The following KIRREL3 variants were observed in gnomAD, a reference collection of about 807,000 sequenced individuals.
KIRREL3 encodes the protein kin of IRRE-like protein 3.
Under a neutral mutation model 89.7 loss-of-function variants are expected in KIRREL3, and 36 were observed. The observed-to-expected ratio is 0.40, with a 90% CI of 0.31 to 0.53. The LOEUF (loss-of-function observed/expected upper bound fraction) is 0.53. Ranked by LOEUF, KIRREL3 falls within the 20% of genes least tolerant of loss-of-function variation. KIRREL3 has a pLI of 0.49. For missense variants in KIRREL3, 864 were observed against 1,056.6 expected (o/e 0.82, Z 2.53); for synonymous variants, 445 against 441.4 (o/e 1.01, Z -0.10).
chr11:126,440,040 C>G (rs1175532187), intron 11 of KIRREL3: 1 of 379,650 alleles, frequency 2.6e-6, no homozygotes, highest in African/African-American at 2.1e-5. Context: ...AGAGACCTGG[C>G]AAGGAGGGCT....
chr11:126,584,112 C>A (rs554073149), intron 1 of KIRREL3, among the ~76,000 whole-genome samples: 1 of 152,154 alleles, frequency 6.6e-6, no homozygotes, highest in African/African-American at 2.4e-5. Flanking sequence ...GTATCCGTCA[C>A]AAAGCCATCC....
At chr11:126,901,773 A>G (rs947163496) in intron 1 of KIRREL3, among the ~76,000 whole-genome samples, 1 of 152,220 alleles carries the variant, frequency 6.6e-6, no homozygotes, top group Admixed American at 6.5e-5. Flanking sequence ...TTTGAAAATC[A>G]TCCCTTCCTC....
Position 126,791,461 on chromosome 11 carries a change from G to A in KIRREL3, c.55+208994C>T, listed in dbSNP as rs959549079. Among the ~76,000 whole-genome samples, 16 of 152,178 alleles carry A rather than the reference G, an allele frequency of 1.1e-4. No homozygotes were observed. Among genetic ancestry groups the A allele is most frequent in the African/African-American group, 2.2e-4 (9 of 41,450 alleles). ...AAGCCCAGCCACTCCTGATGGTGAC[G>A]GCATTTGCAGAAAATTGTACATATT... On this transcript the variant is annotated intron_variant, in intron 1 of 16. Transcript: ENST00000525144. The surrounding 1 kb of genome is among the most constrained non-coding windows in gnomAD (Gnocchi z 4.8).
At chr11:126,646,635 C>G (rs1248892974) in intron 1 of KIRREL3, among the ~76,000 whole-genome samples, 2 of 151,998 alleles carry the variant, frequency 1.3e-5, no homozygotes, top group Non-Finnish European at 2.9e-5. Context: ...CCACCACACC[C>G]AGCTAACTTT....
In KIRREL3 at chr11:126,896,417, C is replaced by T. The variant is rs1382406925; in HGVS notation, c.55+104038G>A. ...TCTCTGAGATGCTCTTTGTGGCTCT[C>T]CTGTATGCCTGTTGAGATGCCCATG... On this transcript the variant is annotated intron_variant, in intron 1 of 16. Transcript: ENST00000525144. This position sits in a 1 kb window ranked among gnomAD's most constrained non-coding sequence, Gnocchi z 4.1. 6.6e-6 allele frequency among the ~76,000 whole-genome samples: 1 copy of T among 152,206 alleles called. No homozygotes were observed. Among genetic ancestry groups the T allele is most frequent in the Non-Finnish European group, 1.5e-5 (1 of 68,042 alleles).
At chr11:126,951,430 A>C (rs1438328390) in intron 1 of KIRREL3, among the ~76,000 whole-genome samples, 3 of 152,192 alleles carry the variant, frequency 2.0e-5, no homozygotes, top group Non-Finnish European at 4.4e-5. Context: ...GGCTCACTGA[A>C]GGACACACCG....
intron 4 of KIRREL3, among the ~76,000 whole-genome samples, chr11:126,478,636 T>C (rs901262360): frequency 4.1e-5 from 6 of 147,616 alleles, no homozygotes; most frequent in Non-Finnish European, 8.8e-5. Flanking sequence ...TGTATGCGTG[T>C]GTATGTGTGT....
intron 1 of KIRREL3, among the ~76,000 whole-genome samples, chr11:126,901,168 C>T (rs931270282): frequency 4.8e-5 from 7 of 146,240 alleles, no homozygotes; most frequent in South Asian, 4.4e-4. Context: ...GAGCTGAGAT[C>T]GCACCATTGC....
chr11:126,801,253 T>C lies in KIRREL3; in HGVS notation c.55+199202A>G, dbSNP rs138402358. Among the ~76,000 whole-genome samples, 705 of 152,318 alleles carry C rather than the reference T, an allele frequency of 4.6e-3. 3 individuals are homozygous for C. Among genetic ancestry groups the C allele is most frequent in the African/African-American group, 0.016 (666 of 41,574 alleles). ...TTTCTATCCTAAGGATTACAGTTAA[T>C]TGACAATTTTTGGGTCTTTGGGGAC... On this transcript the variant is annotated intron_variant, in intron 1 of 16. Transcript: ENST00000525144.
rs1263568431 is a variant in KIRREL3, at chr11:126,623,657, T to C, written c.56-60745A>G. On this transcript the variant is annotated intron_variant, in intron 1 of 16. Transcript: ENST00000525144. The surrounding 1 kb of genome is among the most constrained non-coding windows in gnomAD (Gnocchi z 4.1). ...AGGATACCTGTGGTCAGGACCAGGTTGTGTGCAGGGCAGCTCTGATTGCTT... is the reference window on the plus strand; with the variant it reads ...AGGATACCTGTGGTCAGGACCAGGTCGTGTGCAGGGCAGCTCTGATTGCTT... 2.6e-5 allele frequency among the ~76,000 whole-genome samples: 4 copies of C among 152,012 alleles called. No individual in the cohort carries two copies. Among genetic ancestry groups the C allele is most frequent in the Non-Finnish European group, 5.9e-5 (4 of 67,984 alleles).
intron 1 of KIRREL3, among the ~76,000 whole-genome samples, chr11:126,941,766 C>A (rs1359722264): frequency 6.6e-6 from 1 of 152,166 alleles, no homozygotes; most frequent in Non-Finnish European, 1.5e-5. Context: ...GGGGCCGTGC[C>A]CTGGGAAGGA....
rs368037457 is a variant in KIRREL3, at chr11:126,931,254, G to C, written c.55+69201C>G. On this transcript the variant is annotated intron_variant, in intron 1 of 16. Coordinates refer to ENST00000525144, the MANE Select transcript of KIRREL3 (RefSeq NM_032531.4). This position sits in a 1 kb window ranked among gnomAD's most constrained non-coding sequence, Gnocchi z 5.1. ...ACTGTTGTTATCTCCAGAACCTATCGCAGTGTCTGGCACATAGGATGTACT... is the reference window on the plus strand; with the variant it reads ...ACTGTTGTTATCTCCAGAACCTATCCCAGTGTCTGGCACATAGGATGTACT... Among the ~76,000 whole-genome samples the C allele has an allele frequency of 2.0e-5, 3 of 152,122 alleles. No individual in the cohort carries two copies. Among genetic ancestry groups the C allele is most frequent in the Admixed American group, 2.0e-4 (3 of 15,280 alleles).
At chr11:126,461,974 G>C (rs981293375) in intron 6 of KIRREL3, among the ~76,000 whole-genome samples, 2 of 152,184 alleles carry the variant, frequency 1.3e-5, no homozygotes, top group African/African-American at 4.8e-5. Context: ...CGGCAGGGAG[G>C]GGATCTCAGA....
At position 126,740,960 on chromosome 11, in the gene KIRREL3, G is replaced by A. The variant is rs1000199333; in HGVS notation, c.56-178048C>T. Among the ~76,000 whole-genome samples the A allele has an allele frequency of 1.3e-5, 2 of 152,088 alleles. No homozygotes were observed. Among genetic ancestry groups the A allele is most frequent in the Non-Finnish European group, 2.9e-5 (2 of 68,026 alleles). ...TATCATCAGATAGTGCTTACTTTGG[G>A]GCTGAGTGAGAATAGGAAAGTGGCA... is the stretch of plus-strand genomic sequence containing the variant. On this transcript the variant is annotated intron_variant, in intron 1 of 16. Transcript: ENST00000525144. The surrounding 1 kb of genome is among the most constrained non-coding windows in gnomAD (Gnocchi z 6.0).
intron 15 of KIRREL3, 42 bp from the exon 16 acceptor site, chr11:126,425,766 A>T: frequency 6.9e-7 from 1 of 1,445,052 alleles, no homozygotes; most frequent in Non-Finnish European, 9.6e-7. Context: ...GGAGGTGGCT[A>T]AACCTCCACT....
chr11:126,787,572 T>C (rs1267813980), intron 1 of KIRREL3, among the ~76,000 whole-genome samples: 1 of 152,218 alleles, frequency 6.6e-6, no homozygotes, highest in Non-Finnish European at 1.5e-5. Context: ...TGGTTCTTTT[T>C]TCCTGGAAAG....
intron 7 of KIRREL3, among the ~76,000 whole-genome samples, chr11:126,450,230 T>C (rs1955985588): frequency 1.3e-5 from 2 of 151,516 alleles, no homozygotes; most frequent in Admixed American, 1.3e-4. Context: ...TGTGTGCACG[T>C]GTGCATATGA....
intron 1 of KIRREL3, among the ~76,000 whole-genome samples, chr11:126,829,246 G>A (rs1943521735): frequency 6.6e-6 from 1 of 152,182 alleles, no homozygotes; most frequent in Non-Finnish European, 1.5e-5. Context: ...TGGATCAACA[G>A]GATCTGTCAC....
intron 1 of KIRREL3, among the ~76,000 whole-genome samples, chr11:126,818,623 TA>T (rs60672092): frequency 0.16 from 3,658 of 22,392 alleles, 63 homozygotes; most frequent in African/African-American, 0.28. Flanking sequence ...GTAGTAGTAG[TA>T]GTGTGTGTGT....
Sources: gnomAD v4.1 joint callset for allele counts (sites outside exome capture counted in the v4.1 genomes callset) on GRCh38, gnomAD v4.1.1 for gene constraint, Gnocchi (gnomAD v3.1) non-coding constraint, MANE v1.5 for transcripts, NCBI Gene and HGNC (gene_info 2026-07-23, HGNC 2026-07-21) for gene names.